The following ANK3 variants were observed in gnomAD, a reference collection of about 807,000 sequenced individuals.
The protein encoded by ANK3 is ankyrin 3, also known as ankyrin-3.
ANK3 carries 57 observed loss-of-function variants against 370.9 expected under a neutral mutation model. The observed-to-expected ratio is 0.15, with a 90% CI of 0.12 to 0.19. The LOEUF (loss-of-function observed/expected upper bound fraction) is 0.19. Ranked by LOEUF, ANK3 falls within the 10% of genes least tolerant of loss-of-function variation. ANK3 has a pLI of 1.00. For synonymous variants in ANK3, 1,929 were observed against 1,946.3 expected (o/e 0.99, Z 0.23); for missense variants, 4,439 against 5,302.1 (o/e 0.84, Z 5.06).
rs796482425 is a variant in ANK3, at chr10:60,202,677, C to T, written c.1392+325G>A. 5.2e-4 allele frequency among the ~76,000 whole-genome samples: 79 copies of T among 152,096 alleles called. 1 individual carries two copies. Among genetic ancestry groups the T allele is most frequent in the African/African-American group, 1.7e-3 (72 of 41,420 alleles). On this transcript the variant is annotated intron_variant, in intron 12 of 43. Transcript: ENST00000280772. ...AGCCCAACAATTTAGGAGGCCAGCG[C>T]AGGAGGATTGCTTGAAGCCAGGAGT... is the stretch of plus-strand genomic sequence containing the variant.
chr10:60,516,334 C>A (rs916959088), intron 2 of ANK3, among the ~76,000 whole-genome samples: 1 of 152,068 alleles, frequency 6.6e-6, no homozygotes, highest in African/African-American at 2.4e-5. Context: ...GGACTGAGGG[C>A]ACAGGTACTG....
At chr10:60,329,769 G>A (rs2050767505) in intron 1 of ANK3, among the ~76,000 whole-genome samples, 2 of 152,086 alleles carry the variant, frequency 1.3e-5, no homozygotes, top group Non-Finnish European at 2.9e-5. Context: ...TTTCCTCACA[G>A]AATTGGAAAA....
chr10:60,327,356 G>T (rs1352604597), intron 1 of ANK3, among the ~76,000 whole-genome samples: 1 of 152,146 alleles, frequency 6.6e-6, no homozygotes, highest in Non-Finnish European at 1.5e-5. Flanking sequence ...ATAGCAAGCT[G>T]TTTTTTGTTT....
At chr10:60,378,446 T>C (rs1490013967) in intron 1 of ANK3, among the ~76,000 whole-genome samples, 5 of 152,124 alleles carry the variant, frequency 3.3e-5, no homozygotes, top group African/African-American at 4.8e-5. Context: ...ACTTAAAATA[T>C]ACTACAAACC....
At chr10:60,406,876 C>A (rs73268824) in intron 2 of ANK3, among the ~76,000 whole-genome samples, 1 of 152,128 alleles carries the variant, frequency 6.6e-6, no homozygotes, top group Non-Finnish European at 1.5e-5. Flanking sequence ...GCCTTTTCCT[C>A]ATTCACCATT....
intron 1 of ANK3, among the ~76,000 whole-genome samples, chr10:60,360,341 G>A (rs1041877648): frequency 1.3e-5 from 2 of 152,170 alleles, no homozygotes. Context: ...AACTTACAGT[G>A]GGACATCTAT....
chr10:60,670,721 G>A (rs1225718021), intron 1 of ANK3, among the ~76,000 whole-genome samples: 1 of 152,140 alleles, frequency 6.6e-6, no homozygotes, highest in Non-Finnish European at 1.5e-5. Context: ...GCAGGGACAC[G>A]ATATTTAGTT....
At chr10:60,170,495 A>G (rs1047948135) in intron 21 of ANK3, among the ~76,000 whole-genome samples, 1 of 152,208 alleles carries the variant, frequency 6.6e-6, no homozygotes, top group African/African-American at 2.4e-5. Flanking sequence ...ATAATGTACC[A>G]AATACCACAA....
intron 2 of ANK3, among the ~76,000 whole-genome samples, chr10:60,470,806 A>T (rs760967730): frequency 3.9e-5 from 6 of 152,160 alleles, no homozygotes; most frequent in Non-Finnish European, 7.4e-5. Context: ...TAAAAAACAA[A>T]CAAACAAAAA....
chr10:60,177,593 C>CTTTTTTTTTTTTTT lies in ANK3; in HGVS notation c.2184+3722_2184+3735dup, dbSNP rs771714886. 9.7e-4 allele frequency among the ~76,000 whole-genome samples: 103 copies of CTTTTTTTTTTTTTT among 106,280 alleles called. 1 individual carries two copies. The highest frequency in any genetic ancestry group is 1.2e-3 in the Non-Finnish European group (66 of 55,920). 69.7% of individuals were successfully genotyped at this position (106,280 alleles called of 152,430 possible). ...CCCATACCACACATGGTCTTCAAAT[C>CTTTTTTTTTTTTTT]TTTTTTTTTTTTTTTTTTGTTTGAG... is the stretch of plus-strand genomic sequence containing the variant. On this transcript the variant is annotated intron_variant, in intron 18 of 43. Coordinates refer to ENST00000280772, the MANE Select transcript of ANK3 (RefSeq NM_020987.5).
rs1298949302 is a variant in ANK3 at position 60,678,648 on chromosome 10, CTTTTA to C, written c.57+54610_57+54614del. On this transcript the variant is annotated intron_variant, in intron 1 of 43. Coordinates refer to the ANK3 transcript ENST00000373827. The stretch of plus-strand genomic sequence containing the variant: ...ATAATGTTAACAGACCACTAGCAAA[CTTTTA>C]TTTTATTCTGCTTTAGTCAACATTT... Among the ~76,000 whole-genome samples the C allele has an allele frequency of 2.6e-5, 4 of 152,130 alleles. No homozygotes were observed. In the South Asian group the frequency reaches 8.3e-4, roughly 31 times the overall value.
chr10:60,028,485 T>A lies in ANK3; in HGVS notation c.*1361A>T, dbSNP rs8677. The A allele has an allele frequency of 0.073, 11,082 of 152,744 alleles. 619 individuals carry two copies. The highest frequency in any genetic ancestry group is 0.11 in the Non-Finnish European group (7,450 of 68,030). The allele number at this position is 152,744 out of a possible 1,614,324, so 9.5% of individuals were successfully genotyped here. ...GTATGGTTTTTCATACATATGTCATTAGAGCTATGTGTCAATGAATGCTGA... is the reference window on the plus strand; with the variant it reads ...GTATGGTTTTTCATACATATGTCATAAGAGCTATGTGTCAATGAATGCTGA... On this transcript the variant is annotated 3_prime_UTR_variant, in exon 44 of 44. Transcript: ENST00000280772.
chr10:60,120,492 G>A (rs989792358), intron 25 of ANK3, among the ~76,000 whole-genome samples: 9 of 151,908 alleles, frequency 5.9e-5, no homozygotes, highest in African/African-American at 1.7e-4. Flanking sequence ...AAAAGCTTCC[G>A]CACAGCAAAA....
At chr10:60,585,860 C>T (rs929580504) in intron 2 of ANK3, among the ~76,000 whole-genome samples, 3 of 151,928 alleles carry the variant, frequency 2.0e-5, no homozygotes, top group Non-Finnish European at 4.4e-5. Flanking sequence ...TCTGTCTCTA[C>T]CAAAGATTCA....
At chr10:60,709,168 A>G (rs1379357021) in intron 1 of ANK3, among the ~76,000 whole-genome samples, 3 of 152,212 alleles carry the variant, frequency 2.0e-5, no homozygotes, top group Admixed American at 6.5e-5. Flanking sequence ...AGCCAGACTC[A>G]GATATGACAG....
chr10:60,369,357 C>T (rs1343454696), intron 1 of ANK3, among the ~76,000 whole-genome samples: 1 of 152,118 alleles, frequency 6.6e-6, no homozygotes, highest in Non-Finnish European at 1.5e-5. Context: ...AGAAGCTCAA[C>T]ATTATTAAAT....
intron 1 of ANK3, among the ~76,000 whole-genome samples, chr10:60,379,027 A>C (rs942363950): frequency 6.6e-6 from 1 of 152,120 alleles, no homozygotes; most frequent in African/African-American, 2.4e-5. Flanking sequence ...AATCCCACAC[A>C]ATCCGATTTA....
chr10:60,693,578 G>C (rs2079392102), intron 1 of ANK3, among the ~76,000 whole-genome samples: 1 of 152,210 alleles, frequency 6.6e-6, no homozygotes, highest in Non-Finnish European at 1.5e-5. Flanking sequence ...GCCTCCTAAA[G>C]TGGGTCCCTG....
At chr10:60,331,265 TA>T (rs5785437) in intron 1 of ANK3, among the ~76,000 whole-genome samples, 75,778 of 151,360 alleles carry the variant, frequency 0.5, 19,436 homozygotes, top group East Asian at 0.66. Flanking sequence ...TAAAGTATAA[TA>T]AAAAAAAATC....
Sources: gnomAD v4.1 joint callset for allele counts (sites outside exome capture counted in the v4.1 genomes callset) on GRCh38, gnomAD v4.1.1 for gene constraint, MANE v1.5 for transcripts, NCBI Gene and HGNC (gene_info 2026-07-23, HGNC 2026-07-21) for gene names.